Variants in CSTPP1 observed in about 807,000 individuals in gnomAD.
CSTPP1 encodes the protein UPF0705 protein C11orf49.
chr11:47,056,877 G>A, the CSTPP1 span, among the ~76,000 whole-genome samples: 35 of 152,114 alleles, frequency 2.3e-4, no homozygotes, highest in Non-Finnish European at 3.2e-4. Flanking sequence ...TTATTCTTCT[G>A]CAGATAACTT....
the CSTPP1 span, among the ~76,000 whole-genome samples, chr11:47,064,463 G>T: frequency 6.6e-6 from 1 of 152,196 alleles, no homozygotes; most frequent in African/African-American, 2.4e-5. Flanking sequence ...ATAAATTTAG[G>T]TATTTGATCA....
At chr11:46,954,982 G>A in the CSTPP1 span, among the ~76,000 whole-genome samples, 1 of 152,036 alleles carries the variant, frequency 6.6e-6, no homozygotes, top group African/African-American at 2.4e-5. Context: ...GGTCACCAAA[G>A]CCCAAAGGGG....
the CSTPP1 span, among the ~76,000 whole-genome samples, chr11:47,116,681 T>TTG: frequency 1.5e-5 from 2 of 137,540 alleles, no homozygotes; most frequent in South Asian, 2.5e-4. Flanking sequence ...GTAGGTTTTT[T>TTG]TTTTTTTTTT....
chr11:47,035,447 C>T, the CSTPP1 span, among the ~76,000 whole-genome samples: 1 of 152,152 alleles, frequency 6.6e-6, no homozygotes, highest in African/African-American at 2.4e-5. Flanking sequence ...AATGAACTGC[C>T]CATGCAGAGA....
the CSTPP1 span, among the ~76,000 whole-genome samples, chr11:46,967,092 T>C: frequency 6.6e-6 from 1 of 152,168 alleles, no homozygotes; most frequent in Non-Finnish European, 1.5e-5. Context: ...CTTTAATAGC[T>C]CATATATTTT....
chr11:47,072,757 T>C, the CSTPP1 span, among the ~76,000 whole-genome samples: 1 of 152,142 alleles, frequency 6.6e-6, no homozygotes, highest in Non-Finnish European at 1.5e-5. Context: ...TAATTCATAG[T>C]CTGAAAAATA....
At chr11:47,043,125 A>C in the CSTPP1 span, among the ~76,000 whole-genome samples, 3 of 152,204 alleles carry the variant, frequency 2.0e-5, no homozygotes, top group Admixed American at 1.3e-4. Flanking sequence ...CATTTCTTGA[A>C]TGGTGGAGAC....
chr11:47,056,205 C>T, the CSTPP1 span, among the ~76,000 whole-genome samples: 5 of 152,072 alleles, frequency 3.3e-5, no homozygotes, highest in African/African-American at 4.8e-5. Context: ...AGTGTATTTT[C>T]GATCCATATT....
At chr11:47,096,339 T>A in the CSTPP1 span, among the ~76,000 whole-genome samples, 1 of 152,202 alleles carries the variant, frequency 6.6e-6, no homozygotes, top group Non-Finnish European at 1.5e-5. Context: ...AAACAATAAC[T>A]CCTCATTCCC....
At chr11:46,954,436 C>T in the CSTPP1 span, among the ~76,000 whole-genome samples, 1 of 152,090 alleles carries the variant, frequency 6.6e-6, no homozygotes, top group Non-Finnish European at 1.5e-5. Flanking sequence ...ATAATTCCGG[C>T]TACCCTGGAG....
chr11:47,076,751 T>C, the CSTPP1 span, among the ~76,000 whole-genome samples: 1 of 151,948 alleles, frequency 6.6e-6, no homozygotes, highest in Non-Finnish European at 1.5e-5. Flanking sequence ...CAAGAATTGC[T>C]TGAACCCAGT....
At chr11:47,158,227 G>A in the CSTPP1 span, among the ~76,000 whole-genome samples, 2 of 152,194 alleles carry the variant, frequency 1.3e-5, no homozygotes, top group Non-Finnish European at 2.9e-5. Context: ...CAGCCTGCAG[G>A]TCGGGCAGAC....
the CSTPP1 span, among the ~76,000 whole-genome samples, chr11:46,969,014 A>G: frequency 6.6e-6 from 1 of 152,094 alleles, no homozygotes; most frequent in Non-Finnish European, 1.5e-5. Flanking sequence ...CACTGTTCTT[A>G]GGCCTCTAGA....
the CSTPP1 span, among the ~76,000 whole-genome samples, chr11:47,153,923 TGA>T: frequency 6.6e-6 from 1 of 152,102 alleles, no homozygotes; most frequent in African/African-American, 2.4e-5. Flanking sequence ...TAGAAAAATA[TGA>T]GAGAGCAAAA....
the CSTPP1 span, among the ~76,000 whole-genome samples, chr11:47,021,683 T>G: frequency 2.0e-5 from 3 of 152,106 alleles, no homozygotes; most frequent in Non-Finnish European, 2.9e-5. Flanking sequence ...CACAGCAAGG[T>G]CATTACAGGC....
At chr11:47,028,048 C>G in the CSTPP1 span, among the ~76,000 whole-genome samples, 1 of 151,958 alleles carries the variant, frequency 6.6e-6, no homozygotes, top group African/African-American at 2.4e-5. Context: ...CTCAGCCTCC[C>G]AAGTAGCTGG....
chr11:47,071,021 C>T, the CSTPP1 span, among the ~76,000 whole-genome samples: 1 of 152,126 alleles, frequency 6.6e-6, no homozygotes, highest in Non-Finnish European at 1.5e-5. Flanking sequence ...CTGTCACAGT[C>T]CTGCCCATCC....
chr11:47,083,100 G>T, the CSTPP1 span, among the ~76,000 whole-genome samples: 1 of 147,008 alleles, frequency 6.8e-6, no homozygotes, highest in African/African-American at 2.5e-5. Flanking sequence ...TGTTCTCATT[G>T]TTCAGCTCCC....
At chr11:47,113,028 C>T in the CSTPP1 span, among the ~76,000 whole-genome samples, 3 of 152,244 alleles carry the variant, frequency 2.0e-5, no homozygotes, top group African/African-American at 7.2e-5. Context: ...GTGTGATGTT[C>T]CCCGCCCTGT....
Sources: gnomAD v4.1 joint callset for allele counts (sites outside exome capture counted in the v4.1 genomes callset) on GRCh38, gnomAD v4.1.1 for gene constraint, MANE v1.5 for transcripts, NCBI Gene and HGNC (gene_info 2026-07-23, HGNC 2026-07-21) for gene names.